Variants in GPR176 observed in about 807,000 individuals in gnomAD.
GPR176 encodes G-protein coupled receptor 176.
GPR176 carries 26 observed loss-of-function variants against 35.4 expected under a neutral mutation model. The observed-to-expected ratio is 0.74, with a 90% CI of 0.54 to 1.02. The LOEUF (loss-of-function observed/expected upper bound fraction) is 1.02. Among genes scored for constraint, GPR176 ranks in the 50% least tolerant of loss-of-function variants. GPR176 has a pLI of 0.00. For synonymous variants in GPR176, 278 were observed against 271.3 expected (o/e 1.02, Z -0.24); for missense variants, 597 against 665.3 (o/e 0.90, Z 1.13).
intron 1 of GPR176, among the ~76,000 whole-genome samples, chr15:39,846,415 C>T (rs1406262685): frequency 2.0e-5 from 3 of 152,172 alleles, no homozygotes; most frequent in Non-Finnish European, 4.4e-5. Flanking sequence ...GAACTGCCAC[C>T]GCTACCCAGC....
intron 1 of GPR176, among the ~76,000 whole-genome samples, chr15:39,913,880 A>T (rs545573934): frequency 6.6e-6 from 1 of 152,124 alleles, no homozygotes; most frequent in African/African-American, 2.4e-5. Flanking sequence ...CCCTGTCTCT[A>T]CTAAAAATAC....
intron 1 of GPR176, among the ~76,000 whole-genome samples, chr15:39,898,251 T>C (rs539681702): frequency 2.0e-5 from 3 of 152,302 alleles, no homozygotes; most frequent in African/African-American, 7.2e-5. Flanking sequence ...CCTTTTTTTT[T>C]CAAACAAGAT....
chr15:39,887,599 T>TTA (rs1491549168), intron 1 of GPR176, among the ~76,000 whole-genome samples: 1 of 141,850 alleles, frequency 7.0e-6, no homozygotes, highest in African/African-American at 2.6e-5. Flanking sequence ...AATTTAAATT[T>TTA]AAAAAAAAAA....
chr15:39,909,973 G>C (rs756825181), intron 1 of GPR176: 5 of 604,252 alleles, frequency 8.3e-6, no homozygotes, highest in Non-Finnish European at 6.2e-6. Flanking sequence ...TTTCATAGCT[G>C]TGTCTTCTTT....
chr15:39,832,688 C>CACACACACACAA (rs1318473908), intron 1 of GPR176, among the ~76,000 whole-genome samples: 2 of 150,816 alleles, frequency 1.3e-5, no homozygotes, highest in Non-Finnish European at 3.0e-5. Context: ...CACACACACA[C>CACACACACACAA]AAATCTTATA....
chr15:39,832,826 T>C (rs1315906799), intron 1 of GPR176, among the ~76,000 whole-genome samples: 1 of 152,170 alleles, frequency 6.6e-6, no homozygotes, highest in Non-Finnish European at 1.5e-5. Context: ...GACTTGTGGT[T>C]CCTTCCATCT....
At chr15:39,802,435 T>G (rs1566933458) in intron 2 of GPR176, among the ~76,000 whole-genome samples, 181 bp from the exon 3 acceptor site, 1 of 152,164 alleles carries the variant, frequency 6.6e-6, no homozygotes. Flanking sequence ...GCAAGTACAA[T>G]AAGAAGCGTC....
chr15:39,846,173 T>C lies in GPR176; in HGVS notation c.173-38915A>G, dbSNP rs542426263. Among the ~76,000 whole-genome samples, 3 of 152,312 alleles carry C rather than the reference T, an allele frequency of 2.0e-5. No individual in the cohort carries two copies. The South Asian group carries it at 6.2e-4, about 32-fold the overall frequency. On this transcript the variant is annotated intron_variant, in intron 1 of 2. Coordinates refer to ENST00000561100, the MANE Select transcript of GPR176 (RefSeq NM_007223.3). Reference sequence around the variant, plus strand: ...ACCATTTAAAACTCTGGGCATTATATACAACAAACATGAGAAGACTCTGAA... The same window carrying C: ...ACCATTTAAAACTCTGGGCATTATACACAACAAACATGAGAAGACTCTGAA...
intron 1 of GPR176, chr15:39,813,415 T>A (rs923259913): frequency 6.6e-6 from 1 of 152,130 alleles, no homozygotes; most frequent in Non-Finnish European, 1.5e-5. Context: ...TTTGAAAGAG[T>A]ATTTTTGCTG....
chr15:39,799,178 A>T lies in GPR176; in HGVS notation c.*1954T>A, dbSNP rs1227207312. 6.6e-6 allele frequency: 1 copy of T among 152,274 alleles called. No homozygotes were observed. The highest frequency in any genetic ancestry group is 1.5e-5 in the Non-Finnish European group (1 of 68,044). The allele number at this position is 152,274 out of a possible 1,614,324, so 9.4% of individuals were successfully genotyped here. A position where few individuals can be genotyped will look rare whatever the true frequency, so the allele number is the denominator to read the frequency against. The stretch of plus-strand genomic sequence containing the variant: ...AAAATTTATTAAGTTGTACATATAC[A>T]GTATATTATCAGAACAACACCAAAG... On this transcript the variant is annotated 3_prime_UTR_variant, in exon 3 of 3. Coordinates refer to ENST00000561100, the MANE Select transcript of GPR176 (RefSeq NM_007223.3).
At chr15:39,861,416 G>A (rs1228207431) in intron 1 of GPR176, among the ~76,000 whole-genome samples, 20 of 151,896 alleles carry the variant, frequency 1.3e-4, no homozygotes, top group Non-Finnish European at 2.5e-4. Flanking sequence ...TGGGCATAGC[G>A]GTATGCACCT....
At chr15:39,821,924 G>A (rs1465932535) in intron 1 of GPR176, among the ~76,000 whole-genome samples, 1 of 152,204 alleles carries the variant, frequency 6.6e-6, no homozygotes, top group Non-Finnish European at 1.5e-5. Context: ...GTAAACAATA[G>A]GACATGACAG....
At position 39,902,958 on chromosome 15, in the gene GPR176, G is replaced by A. The variant is rs548070436; in HGVS notation, c.172+16897C>T. On this transcript the variant is annotated intron_variant, in intron 1 of 2. Coordinates refer to ENST00000561100, the MANE Select transcript of GPR176 (RefSeq NM_007223.3). ...AATTAGAGATGGTCCCAACCTATGA[G>A]AGTTCCACTTTCAATTTTTCAACTT... Among the ~76,000 whole-genome samples, 51 of 152,288 alleles carry A rather than the reference G, an allele frequency of 3.3e-4. No individual in the cohort carries two copies. In the South Asian group the frequency reaches 0.01, roughly 31 times the overall value.
At chr15:39,856,934 G>A (rs547306424) in intron 1 of GPR176, among the ~76,000 whole-genome samples, 1 of 152,178 alleles carries the variant, frequency 6.6e-6, no homozygotes, top group Non-Finnish European at 1.5e-5. Context: ...CATTCCATAT[G>A]TATTTATTGG....
chr15:39,889,733 C>T (rs548142760), intron 1 of GPR176, among the ~76,000 whole-genome samples: 1 of 152,124 alleles, frequency 6.6e-6, no homozygotes, highest in African/African-American at 2.4e-5. Flanking sequence ...ACGCAAACTC[C>T]TTGGAGGTAA....
chr15:39,872,120 G>A (rs1374262724), intron 1 of GPR176, among the ~76,000 whole-genome samples: 1 of 152,204 alleles, frequency 6.6e-6, no homozygotes, highest in African/African-American at 2.4e-5. Context: ...GTTGGAATAT[G>A]CTGGTGGCAG....
intron 1 of GPR176, among the ~76,000 whole-genome samples, chr15:39,873,497 GA>G (rs2032125798): frequency 2.0e-5 from 3 of 152,076 alleles, no homozygotes; most frequent in Admixed American, 6.6e-5. Flanking sequence ...GCATAGAACC[GA>G]AAACTACAAC....
rs761628887 is a variant in GPR176, at chr15:39,884,764, T to C, written c.172+35091A>G. ...AGCTTTTCATTTTTACCAGGAAAAA[T>C]AGCATTTCAGAGCTCCACCCAGTAA... On this transcript the variant is annotated intron_variant, in intron 1 of 2. Transcript: ENST00000561100. Among the ~76,000 whole-genome samples the C allele has an allele frequency of 3.3e-5, 5 of 152,054 alleles. No individual in the cohort carries two copies. The South Asian group carries it at 6.2e-4, about 19-fold the overall frequency.
At chr15:39,838,104 T>G (rs942273539) in intron 1 of GPR176, among the ~76,000 whole-genome samples, 2 of 152,100 alleles carry the variant, frequency 1.3e-5, no homozygotes, top group Admixed American at 6.6e-5. Flanking sequence ...TTGTCATAGA[T>G]GCATTAAGTT....
Sources: allele counts gnomAD v4.1 joint callset (sites outside exome capture counted in the v4.1 genomes callset), GRCh38; gene constraint gnomAD v4.1.1; transcripts MANE v1.5; gene names NCBI Gene and HGNC (gene_info 2026-07-23, HGNC 2026-07-21).